Variants in FAM120B observed in about 807,000 individuals in gnomAD.
FAM120B encodes the protein constitutive coactivator of peroxisome proliferator-activated receptor gamma.
In FAM120B, 83 loss-of-function variants were observed where a neutral mutation model predicts 96.3. The observed-to-expected ratio is 0.86, with a 90% CI of 0.72 to 1.03. The LOEUF is 1.03. Among genes scored for constraint, FAM120B ranks in the 50% least tolerant of loss-of-function variants. The probability of loss-of-function intolerance (pLI) is 0.00; values close to 1 mark genes in which losing one functional copy is unlikely to be tolerated. For synonymous variants in FAM120B, 407 were observed against 402.7 expected, an observed-to-expected ratio of 1.01 and a Z score of -0.13; for missense variants, 1,027 against 1,121.2, an observed-to-expected ratio of 0.92 and a Z score of 1.20.
At chr6:170,306,562 A>T (rs1025060330), upstream of FAM120B, 29 of 152,316 alleles carry the variant, frequency 1.9e-4, no homozygotes, top group African/African-American at 6.7e-4. Context: ...GCACCAGAGC[A>T]GTTGCTGTGG....
At chr6:170,364,061 G>GT (rs374382021) in intron 6 of FAM120B, among the ~76,000 whole-genome samples, 1 of 152,094 alleles carries the variant, frequency 6.6e-6, no homozygotes, top group Non-Finnish European at 1.5e-5. Context: ...AATGTGTTTT[G>GT]TTTTTTTGGG....
chr6:170,395,001 A>AG (rs1246487837), intron 8 of FAM120B, among the ~76,000 whole-genome samples: 1 of 152,246 alleles, frequency 6.6e-6, no homozygotes, highest in East Asian at 1.9e-4. Flanking sequence ...CTTCTAGTAG[A>AG]GACAAACAGG....
Position 170,391,099 on chromosome 6 carries a change from C to T in FAM120B, c.2577C>T (p.Ala859=). 1 of 1,614,076 alleles carries T rather than the reference C, an allele frequency of 6.2e-7. No individual in the cohort carries two copies. The highest frequency in any genetic ancestry group is 8.5e-7 in the Non-Finnish European group (1 of 1,179,934). The change falls in exon 8 of 11, where the codon GCC becomes GCT. Residue 859 remains alanine, a synonymous_variant. Coordinates refer to ENST00000476287, the MANE Select transcript of FAM120B (RefSeq NM_032448.3). The stretch of plus-strand genomic sequence containing the variant: ...AGAACAGACGCATCACTGGCCGAGC[C>T]CACTGGGGCTCACACCACGCAGGTG... ...MKENRRITGR[A]HWGSHHAGRW... is the part of the protein sequence containing the mutation.
rs1209414708 is a variant in FAM120B, at chr6:170,330,323, A to T, written c.1916-126A>T. On this transcript the variant is annotated intron_variant, in intron 3 of 10. Transcript: ENST00000476287. ...ATTAATTGTTGGATAACTTAAGGTT[A>T]CTCAGTCACCTTGGATTTGAGAGCT... The T allele has an allele frequency of 7.8e-6, 5 of 640,864 alleles. No homozygotes were observed. The Admixed American group carries it at 1.4e-4, about 18-fold the overall frequency. The allele number at this position is 640,864 out of a possible 1,614,324, so 39.7% of individuals were successfully genotyped here. A position where few individuals can be genotyped will look rare whatever the true frequency, so the allele number is the denominator to read the frequency against.
At chr6:170,389,962 T>C (rs1027813317) in intron 7 of FAM120B, among the ~76,000 whole-genome samples, 1 of 152,144 alleles carries the variant, frequency 6.6e-6, no homozygotes, top group African/African-American at 2.4e-5. Context: ...TACTTGAAAA[T>C]ACTCCCCAAA....
chr6:170,334,227 C>T (rs1324708129), intron 4 of FAM120B, among the ~76,000 whole-genome samples: 1 of 152,138 alleles, frequency 6.6e-6, no homozygotes, highest in African/African-American at 2.4e-5. Flanking sequence ...ATTTGTCTAT[C>T]TTGAAGAACC....
At chr6:170,371,139 C>CCCCCAG (rs1406734700) in intron 6 of FAM120B, among the ~76,000 whole-genome samples, 1 of 152,110 alleles carries the variant, frequency 6.6e-6, no homozygotes, top group Non-Finnish European at 1.5e-5. Context: ...AGTCTCCCTC[C>CCCCCAG]CCCCAGCCCC....
chr6:170,294,643 C>A (rs1220025607), upstream of FAM120B, among the ~76,000 whole-genome samples: 1 of 152,194 alleles, frequency 6.6e-6, no homozygotes. The surrounding 1 kb of genome is among the most constrained non-coding windows in gnomAD (Gnocchi z 7.9). Context: ...GTCACTCAAT[C>A]CTATTCCAAC....
chr6:170,334,597 G>A (rs1304520688), intron 4 of FAM120B, among the ~76,000 whole-genome samples: 2 of 151,932 alleles, frequency 1.3e-5, no homozygotes, highest in African/African-American at 4.8e-5. Context: ...AGGAAGCTGG[G>A]TGTGTGTGTG....
intron 1 of FAM120B, among the ~76,000 whole-genome samples, chr6:170,297,050 G>T (rs1487340763): frequency 6.6e-6 from 1 of 152,214 alleles, no homozygotes; most frequent in Non-Finnish European, 1.5e-5. Flanking sequence ...GGGGGCACGC[G>T]GGGGGCTTCA....
At chr6:170,330,625 T>C (rs1785957081) in intron 4 of FAM120B, 75 bp downstream of exon 4, 3 of 1,116,354 alleles carry the variant, frequency 2.7e-6, no homozygotes, top group South Asian at 1.3e-5. Context: ...GCATCAGTTA[T>C]GGAAAGCATC....
chr6:170,336,053 T>C (rs1454384483), intron 4 of FAM120B, among the ~76,000 whole-genome samples: 1 of 152,244 alleles, frequency 6.6e-6, no homozygotes, highest in Non-Finnish European at 1.5e-5. Flanking sequence ...TCAGTTTAAT[T>C]AGATCCCATT....
chr6:170,347,362 C>A (rs1405229966), intron 4 of FAM120B, among the ~76,000 whole-genome samples: 1 of 152,202 alleles, frequency 6.6e-6, no homozygotes, highest in Non-Finnish European at 1.5e-5. Flanking sequence ...CAGCACCTTT[C>A]TGTTTGTCAG....
intron 6 of FAM120B, among the ~76,000 whole-genome samples, chr6:170,382,281 A>T (rs1346447579): frequency 6.6e-6 from 1 of 152,098 alleles, no homozygotes; most frequent in African/African-American, 2.4e-5. Context: ...AATTAGCTGG[A>T]TGTATTAGCT....
At chr6:170,391,824 A>C (rs1420208543) in intron 8 of FAM120B, among the ~76,000 whole-genome samples, 1 of 152,248 alleles carries the variant, frequency 6.6e-6, no homozygotes, top group Non-Finnish European at 1.5e-5. Context: ...TATCACATAA[A>C]GACAACGAGC....
intron 7 of FAM120B, among the ~76,000 whole-genome samples, chr6:170,389,482 C>A (rs772116282): frequency 1.3e-5 from 2 of 152,072 alleles, no homozygotes; most frequent in Non-Finnish European, 2.9e-5. Flanking sequence ...CCCAGTCTGA[C>A]ACATTTTTAA....
rs553086920 is a variant in FAM120B, at chr6:170,310,607, A to C, written c.-22+3765A>C. The stretch of plus-strand genomic sequence containing the variant: ...TGACACAAAGTTTGCTGCCTCCCCA[A>C]AGTGACTCCTGCCTTCTTCTTTGCT... On this transcript the variant is annotated intron_variant, in intron 1 of 10. Transcript: ENST00000476287. 1.1e-4 allele frequency among the ~76,000 whole-genome samples: 17 copies of C among 152,258 alleles called. No individual in the cohort carries two copies. The East Asian group carries it at 3.3e-3, about 29-fold the overall frequency.
intron 6 of FAM120B, among the ~76,000 whole-genome samples, chr6:170,374,537 G>A (rs1789395741): frequency 1.3e-5 from 2 of 152,178 alleles, no homozygotes; most frequent in African/African-American, 2.4e-5. Context: ...TTATTGACTC[G>A]TTGAGGCTTT....
rs41269637 is a variant in FAM120B at position 170,358,022 on chromosome 6, G to A, written c.2191-204G>A. ...TGTGTGTACATGTGTGCCCATGTGT[G>A]TGTGCATGCCTGTGCGTGTACCCAT... On this transcript the variant is annotated intron_variant, in intron 5 of 10. Transcript: ENST00000476287. Among the ~76,000 whole-genome samples the A allele has an allele frequency of 5.0e-3, 760 of 151,998 alleles. 3 individuals are homozygous for A. Among genetic ancestry groups the A allele is most frequent in the Non-Finnish European group, 8.2e-3 (555 of 67,974 alleles).
Sources: gnomAD v4.1 joint callset for allele counts (sites outside exome capture counted in the v4.1 genomes callset) on GRCh38, gnomAD v4.1.1 for gene constraint, Gnocchi (gnomAD v3.1) non-coding constraint, MANE v1.5 for transcripts, NCBI Gene and HGNC (gene_info 2026-07-23, HGNC 2026-07-21) for gene names.